LEMD2: variants seen among roughly 807,000 people sequenced by gnomAD.
LEMD2 encodes the protein LEM domain-containing protein 2.
Under a neutral mutation model 58.8 loss-of-function variants are expected in LEMD2, and 34 were observed. The observed-to-expected ratio is 0.58, with a 90% CI of 0.44 to 0.77. The LOEUF is 0.77. LEMD2 is among the 30% of genes least tolerant of loss of function. LEMD2 has a pLI of 0.00. For missense variants in LEMD2, 629 were observed against 717.9 expected (o/e 0.88, Z 1.42); for synonymous variants, 298 against 308.9 (o/e 0.96, Z 0.37).
At chr6:33,772,808 G>A (rs760986390) in intron 8 of LEMD2, 30 bp from the exon 9 acceptor site, 3 of 1,602,172 alleles carry the variant, frequency 1.9e-6, no homozygotes. Flanking sequence ...GCTCTGCCTG[G>A]CACTGCCGAG....
At chr6:33,787,240 A>C in intron 1 of LEMD2, 1 of 146,498 alleles carries the variant, frequency 6.8e-6, no homozygotes, top group South Asian at 1.6e-4. Flanking sequence ...GCATCTCAGC[A>C]GTGAGTACCA....
intron 8 of LEMD2, chr6:33,776,581 G>A (rs1304543411): frequency 3.7e-6 from 1 of 267,190 alleles, no homozygotes; most frequent in Non-Finnish European, 7.5e-6. Flanking sequence ...AGACCTGACT[G>A]TTCTGTGCCT....
chr6:33,774,948 T>C (rs1313634362), intron 8 of LEMD2, among the ~76,000 whole-genome samples: 2 of 149,992 alleles, frequency 1.3e-5, no homozygotes, highest in Admixed American at 1.3e-4. Context: ...TAGTAGGTGC[T>C]CAATAAACAT....
chr6:33,780,107 C>T lies in LEMD2; in HGVS notation c.1003G>A (p.Gly335Ser). The change falls in exon 5 of 9, where the codon GGC becomes AGC. Residue 335 changes from glycine to serine, a missense_variant. By Grantham distance (56) the Gly-to-Ser change is moderately conservative. This residue lies in a region of LEMD2 where 243 missense variants were observed against 336.8 expected (regional missense o/e 0.72). Coordinates refer to ENST00000293760, the MANE Select transcript of LEMD2 (RefSeq NM_181336.4). The part of the protein sequence containing the change: ...TWILSSNKDV[G>S]IWLKGEDQSE... ...CACCCTGCCCACACTCACCAGATGC[C>T]CACGTCCTTGTTACTGCTCAGTATC... 6.3e-7 allele frequency: 1 copy of T among 1,589,944 alleles called. No individual in the cohort carries two copies. Among genetic ancestry groups the T allele is most frequent in the Admixed American group, 1.8e-5 (1 of 57,084 alleles).
chr6:33,786,859 G>A lies in LEMD2; in HGVS notation c.737-85C>T, dbSNP rs1767689066. ...AAGAGACTACTCACAACATTTGGAG[G>A]GAGTAAAGCATTACCAAGCCAAGGG... is the stretch of plus-strand genomic sequence containing the variant. On this transcript the variant is annotated intron_variant, in intron 1 of 8. Transcript: ENST00000293760. 7 of 1,575,758 alleles carry A rather than the reference G, an allele frequency of 4.4e-6. No individual in the cohort carries two copies. The South Asian group carries it at 5.9e-5, about 13-fold the overall frequency.
At position 33,777,062 on chromosome 6, in the gene LEMD2, G is replaced by A. The variant is rs747917362; in HGVS notation, c.1259-6C>T. 12 of 1,613,614 alleles carry A rather than the reference G, an allele frequency of 7.4e-6. 1 individual carries two copies. The South Asian group carries it at 1.3e-4, about 18-fold the overall frequency. On this transcript the variant is annotated splice_polypyrimidine_tract_variant and splice_region_variant and intron_variant, in intron 7 of 8. Transcript: ENST00000293760. ...GTAATGGTCCTGGACCACGTCTGCA[G>A]GAGAGAGCACACCATTTAGGGCAAG... is the stretch of plus-strand genomic sequence containing the variant.
chr6:33,789,088 C>G lies in LEMD2; in HGVS notation c.29G>C (p.Arg10Pro). The change falls in exon 1 of 9, where the codon CGG becomes CCG. Residue 10 changes from arginine to proline, a missense_variant. Physicochemically the swap from Arg to Pro is moderately radical, Grantham distance 103 (BLOSUM62 -2). This residue lies in a region of LEMD2 where 386 missense variants were observed against 381.1 expected (regional missense o/e 1.01). Coordinates refer to ENST00000293760, the MANE Select transcript of LEMD2 (RefSeq NM_181336.4). ...GAAGCCCAGGGCCTGCAGCTCCCGC[C>G]GCAGTTCCAGGTCCGACAGGCCGGC... MAGLSDLEL[R>P]RELQALGFQP... 1.3e-6 allele frequency: 2 copies of G among 1,541,094 alleles called. No homozygotes were observed. The highest frequency in any genetic ancestry group is 2.4e-5 in the South Asian group (2 of 84,828).
rs1246191952 is a variant in LEMD2 at position 33,771,411 on chromosome 6, AG to A, written c.*1216del. ...GTATTGCTCAAATGAGGGAGACTGG[AG>A]CTTTATTAAGGAAACAAAAAATACC... On this transcript the variant is annotated 3_prime_UTR_variant, in exon 9 of 9. Transcript: ENST00000293760. 1 of 152,234 alleles carries A rather than the reference AG, an allele frequency of 6.6e-6. No individual in the cohort carries two copies. The allele number at this position is 152,234 out of a possible 1,614,324, so 9.4% of individuals were successfully genotyped here.
rs1767331535 is a variant in LEMD2, at chr6:33,772,720, G to A, written c.1420C>T (p.Arg474Trp). 6.8e-6 allele frequency: 11 copies of A among 1,614,022 alleles called. No individual in the cohort carries two copies. In the African/African-American group the frequency reaches 9.3e-5, roughly 14 times the overall value. ...AVEFLASNESRIQTESHRVAG... is the reference protein window; with the variant it reads ...AVEFLASNESWIQTESHRVAG... ...ACGCGGTGGGACTCCGTCTGGATCC[G>A]GGATTCGTTGGAGGCCAGGAACTCC... is the stretch of plus-strand genomic sequence containing the variant. Residue 474 changes from arginine (R) to tryptophan (W), a missense_variant, in exon 9 of 9, where the codon CGG (arginine) becomes TGG (tryptophan). Around this residue, in one of 2 missense-constraint regions of LEMD2, gnomAD observed 243 missense variants for 336.8 expected, o/e 0.72. Transcript: ENST00000293760.
Position 33,788,375 on chromosome 6 carries a change from A to G in LEMD2, c.736+6T>C, listed in dbSNP as rs2127384128. ...GGGCCCTCCCCTGCGCCGGCCCAGGACGTACTGTTGTCCTCCGCCTCCTGC... is the reference window on the plus strand; with the variant it reads ...GGGCCCTCCCCTGCGCCGGCCCAGGGCGTACTGTTGTCCTCCGCCTCCTGC... On this transcript the variant is annotated splice_donor_region_variant and intron_variant, in intron 1 of 8. Transcript: ENST00000293760. The G allele has an allele frequency of 6.4e-7, 1 of 1,566,232 alleles. No homozygotes were observed. The highest frequency in any genetic ancestry group is 1.2e-5 in the South Asian group (1 of 85,736).
intron 8 of LEMD2, among the ~76,000 whole-genome samples, chr6:33,774,970 C>CTGAA (rs3067716): frequency 0.22 from 33,489 of 151,452 alleles, 3,891 homozygotes; most frequent in Admixed American, 0.28. Context: ...TGTGGAGGAA[C>CTGAA]TGAATGAATG....
At chr6:33,780,285 C>G (rs1197739523) in intron 4 of LEMD2, 106 bp from the exon 5 acceptor site, 1 of 971,188 alleles carries the variant, frequency 1.0e-6, no homozygotes, top group East Asian at 2.6e-5. Flanking sequence ...CTCCACAGCC[C>G]CAAAACCCTG....
Position 33,776,943 on chromosome 6 carries a change from C to T in LEMD2, c.1361+11G>A. 6.2e-7 allele frequency: 1 copy of T among 1,610,946 alleles called. No homozygotes were observed. On this transcript the variant is annotated intron_variant, in intron 8 of 8. Coordinates refer to ENST00000293760, the MANE Select transcript of LEMD2 (RefSeq NM_181336.4). ...CTTACCTCACACCCAGCGCCCCAGC[C>T]AGGGACTCACCGGCTCTGTGGAGGG...
At position 33,788,846 on chromosome 6, in the gene LEMD2, GGGAGAGCCAGGGCTCCGCCCGC is replaced by G; in HGVS notation, c.249_270del (p.Arg84SerfsTer25). 7.1e-7 allele frequency: 1 copy of G among 1,402,682 alleles called. No individual in the cohort carries two copies. The highest frequency in any genetic ancestry group is 9.2e-7 in the Non-Finnish European group (1 of 1,083,212). 86.9% of individuals were successfully genotyped at this position (1,402,682 alleles called of 1,614,324 possible). A position where few individuals can be genotyped will look rare whatever the true frequency, so the allele number is the denominator to read the frequency against. ...GCGTAGGCCGAGCCCGAGGCCGGCT[GGGAGAGCCAGGGCTCCGCCCGC>G]GGAGAGGCCGCGGCGGGCCGGGCGC... On this transcript the variant is annotated frameshift_variant, in exon 1 of 9. Transcript: ENST00000293760. LOFTEE classifies it high-confidence loss of function.
intron 3 of LEMD2, among the ~76,000 whole-genome samples, chr6:33,782,798 C>T (rs541062801): frequency 6.6e-6 from 1 of 152,344 alleles, no homozygotes; most frequent in Non-Finnish European, 1.5e-5. Flanking sequence ...CAGTGCCCAG[C>T]CCACAGCGGA....
At chr6:33,785,728 C>T (rs1278610890) in intron 2 of LEMD2, among the ~76,000 whole-genome samples, 2 of 152,238 alleles carry the variant, frequency 1.3e-5, no homozygotes, top group Admixed American at 6.5e-5. Context: ...GCCACTTCCT[C>T]TCATCATCAA....
chr6:33,786,584 C>G (rs950809363), intron 2 of LEMD2, 150 bp downstream of exon 2: 23 of 654,656 alleles, frequency 3.5e-5, no homozygotes, highest in East Asian at 5.5e-5. Flanking sequence ...TTGAGCCTGA[C>G]AAGAACATCA....
In LEMD2 at chr6:33,771,656, A is replaced by G. The variant is rs1454558886; in HGVS notation, c.*972T>C. 7 of 152,232 alleles carry G rather than the reference A, an allele frequency of 4.6e-5. No individual in the cohort carries two copies. In the East Asian group the frequency reaches 1.4e-3, roughly 29 times the overall value. 9.4% of individuals were successfully genotyped at this position (152,232 alleles called of 1,614,324 possible). ...GGAGGGCCGGTGGGCGGCGGCGCGG[A>G]CGCTGCTCCCTTGTGGCCGGCAGGG... is the stretch of plus-strand genomic sequence containing the variant. On this transcript the variant is annotated 3_prime_UTR_variant, in exon 9 of 9. Transcript: ENST00000293760.
At chr6:33,773,094 T>C (rs1447266930) in intron 8 of LEMD2, among the ~76,000 whole-genome samples, 1 of 152,172 alleles carries the variant, frequency 6.6e-6, no homozygotes, top group African/African-American at 2.4e-5. Context: ...ACCTGTTGCC[T>C]GCGCAGCCCT....
Sources: allele counts gnomAD v4.1 joint callset (sites outside exome capture counted in the v4.1 genomes callset), GRCh38; gene constraint gnomAD v4.1.1; regional missense constraint gnomAD v4.1.1; transcripts MANE v1.5; gene names NCBI Gene and HGNC (gene_info 2026-07-23, HGNC 2026-07-21).